The following CAB39L variants were observed in gnomAD, a reference collection of about 807,000 sequenced individuals.
The protein encoded by CAB39L is calcium binding protein 39 like.
A neutral mutation model predicts 39.1 loss-of-function variants in CAB39L; 23 were observed. The observed-to-expected ratio is 0.59, with a 90% confidence interval of 0.42 to 0.83. The LOEUF (loss-of-function observed/expected upper bound fraction) is 0.83, where lower values mean the gene tolerates loss of function less well. CAB39L is among the 40% of genes least tolerant of loss of function. The probability of loss-of-function intolerance (pLI) is 0.00; values close to 1 mark genes in which losing one functional copy is unlikely to be tolerated. For missense variants in CAB39L, 366 were observed against 391.9 expected, an observed-to-expected ratio of 0.93 and a Z score of 0.56; for synonymous variants, 126 against 137.2, an observed-to-expected ratio of 0.92 and a Z score of 0.57.
chr13:49,372,574 C>T (rs909103003), intron 5 of CAB39L, among the ~76,000 whole-genome samples: 4 of 152,194 alleles, frequency 2.6e-5, no homozygotes, highest in African/African-American at 9.6e-5. Flanking sequence ...CCATTCATTG[C>T]CTTGTTTCCT....
intron 1 of CAB39L, among the ~76,000 whole-genome samples, chr13:49,439,920 G>GTTTTTTTTTTTTT (rs1270438947): frequency 4.8e-5 from 2 of 41,366 alleles, no homozygotes; most frequent in African/African-American, 1.5e-4. Flanking sequence ...CTTTTTAATG[G>GTTTTTTTTTTTTT]GTTTTTTTTT....
chr13:49,421,773 T>C (rs9535238), intron 3 of CAB39L, among the ~76,000 whole-genome samples: 100,068 of 151,426 alleles, frequency 0.66, 34,076 homozygotes, highest in African/African-American at 0.84. Flanking sequence ...CTCCCCTAGG[T>C]GGTCAACTGA....
chr13:49,433,393 T>G lies in CAB39L; in HGVS notation c.-107A>C. 2.2e-6 allele frequency: 1 copy of G among 451,086 alleles called. No individual in the cohort carries two copies. Among genetic ancestry groups the G allele is most frequent in the South Asian group, 1.6e-5 (1 of 62,778 alleles). 27.9% of individuals were successfully genotyped at this position (451,086 alleles called of 1,614,324 possible). ...ACCAAAGTCACTGATCACCACAGCT[T>G]CTGACAAAAAGAAAAGCTTTAAAAT... On this transcript the variant is annotated splice_region_variant and 5_prime_UTR_variant, in exon 3 of 11. Coordinates refer to ENST00000409308, the MANE Select transcript of CAB39L (RefSeq NM_001079670.3).
chr13:49,440,715 A>AGTGTGTGTGTGTGTGTGT (rs56314282), intron 1 of CAB39L, among the ~76,000 whole-genome samples: 95 of 135,530 alleles, frequency 7.0e-4, no homozygotes, highest in Admixed American at 1.1e-3. Context: ...ATTCCTAGGC[A>AGTGTGTGTGTGTGTGTGT]GTGTGTGTGT....
rs1198504 is a variant in CAB39L at position 49,330,620 on chromosome 13, G to C, written c.834+1327C>G. ...AGCCTGGGCAACAGAGCGAGACCCT[G>C]TCTCTGAATTTAAAAAATAAATAAA... On this transcript the variant is annotated intron_variant, in intron 10 of 10. Coordinates refer to ENST00000409308, the MANE Select transcript of CAB39L (RefSeq NM_001079670.3). Among the ~76,000 whole-genome samples the C allele has an allele frequency of 2.6e-3, 397 of 151,696 alleles. 2 individuals are homozygous for C. Among genetic ancestry groups the C allele is most frequent in the African/African-American group, 9.1e-3 (375 of 41,370 alleles).
chr13:49,377,737 C>G (rs1245565196), intron 4 of CAB39L, among the ~76,000 whole-genome samples: 1 of 82,974 alleles, frequency 1.2e-5, no homozygotes, highest in African/African-American at 7.3e-5. Context: ...GATCTCGGCT[C>G]ACTACAACCT....
intron 3 of CAB39L, among the ~76,000 whole-genome samples, chr13:49,407,900 A>T (rs2138675772): frequency 6.6e-6 from 1 of 150,834 alleles, no homozygotes. Context: ...AAAATTTAGT[A>T]TGCCAGAAGC....
intron 3 of CAB39L, among the ~76,000 whole-genome samples, chr13:49,392,765 T>A (rs1049147636): frequency 1.3e-5 from 2 of 152,098 alleles, no homozygotes; most frequent in African/African-American, 4.8e-5. Context: ...TATTTTCAGT[T>A]TAAATATGTT....
rs1432170945 is a variant in CAB39L at position 49,382,899 on chromosome 13, C to T, written c.12G>A (p.Met4Ile). The change falls in exon 4 of 11, where the codon ATG becomes ATA. Residue 4 changes from methionine (M) to isoleucine (I), a missense_variant. By Grantham distance (10) the Met-to-Ile change is conservative. Coordinates refer to ENST00000409308, the MANE Select transcript of CAB39L (RefSeq NM_001079670.3). ...TTTTGTGTGATTTACTAAACAAAGGCATTTTTTTCATGTGTAGAAATCTCT... is the reference window on the plus strand; with the variant it reads ...TTTTGTGTGATTTACTAAACAAAGGTATTTTTTTCATGTGTAGAAATCTCT... Reference protein sequence around the residue: MKKMPLFSKSHKNP... With the variant: MKKIPLFSKSHKNP... The T allele has an allele frequency of 6.3e-7, 1 of 1,593,822 alleles. No homozygotes were observed. The highest frequency in any genetic ancestry group is 8.6e-7 in the Non-Finnish European group (1 of 1,163,882).
intron 3 of CAB39L, among the ~76,000 whole-genome samples, chr13:49,417,584 C>T (rs77622891): frequency 0.023 from 2,383 of 105,490 alleles, 76 homozygotes; most frequent in African/African-American, 0.075. Flanking sequence ...GACTCAGGCA[C>T]CTGGCAGAAG....
chr13:49,322,680 T>C (rs1015308914), intron 10 of CAB39L, among the ~76,000 whole-genome samples: 4 of 152,260 alleles, frequency 2.6e-5, no homozygotes, highest in Non-Finnish European at 5.9e-5. Flanking sequence ...CAGTCAATTG[T>C]AGAAAGAATA....
intron 3 of CAB39L, among the ~76,000 whole-genome samples, chr13:49,404,093 G>A (rs184524225): frequency 1.1e-4 from 17 of 152,286 alleles, no homozygotes; most frequent in Admixed American, 3.9e-4. Context: ...CTGGCTTCAC[G>A]TGTGACCCAG....
intron 8 of CAB39L, among the ~76,000 whole-genome samples, chr13:49,341,850 C>T (rs960485773): frequency 6.6e-6 from 1 of 152,232 alleles, no homozygotes; most frequent in Non-Finnish European, 1.5e-5. Flanking sequence ...ACCCCATAAA[C>T]ATGTATAATT....
At chr13:49,370,179 A>C (rs1358488906) in intron 5 of CAB39L, among the ~76,000 whole-genome samples, 8 of 152,122 alleles carry the variant, frequency 5.3e-5, no homozygotes, top group Non-Finnish European at 1.2e-4. Context: ...GGGGACTAAA[A>C]TTCAAATTGG....
intron 1 of CAB39L, among the ~76,000 whole-genome samples, chr13:49,442,112 G>A (rs186527265): frequency 6.4e-4 from 98 of 152,092 alleles, no homozygotes; most frequent in African/African-American, 2.0e-3. Flanking sequence ...TTCCAATGAC[G>A]GTGGTTTTAA....
In CAB39L at chr13:49,310,076, C is replaced by T. The variant is rs965099238; in HGVS notation, c.*738G>A. On this transcript the variant is annotated 3_prime_UTR_variant, in exon 11 of 11. Transcript: ENST00000409308. Reference sequence around the variant, plus strand: ...GCAGCAGTCACTCTATCCAGAGCCACATGTTCACAGTTCTCTAGCAAGCAG... The same window carrying T: ...GCAGCAGTCACTCTATCCAGAGCCATATGTTCACAGTTCTCTAGCAAGCAG... 2 of 152,466 alleles carry T rather than the reference C, an allele frequency of 1.3e-5. No homozygotes were observed. The highest frequency in any genetic ancestry group is 2.9e-5 in the Non-Finnish European group (2 of 68,232). 9.4% of individuals were successfully genotyped at this position (152,466 alleles called of 1,614,324 possible). A position where few individuals can be genotyped will look rare whatever the true frequency, so the allele number is the denominator to read the frequency against.
chr13:49,365,195 G>C (rs1955740767), intron 5 of CAB39L, among the ~76,000 whole-genome samples: 9 of 152,068 alleles, frequency 5.9e-5, no homozygotes, highest in Admixed American at 5.9e-4. Flanking sequence ...CATACATTGA[G>C]GGGAAAAGAC....
Position 49,337,991 on chromosome 13 carries a change from C to T in CAB39L, c.690+1686G>A, listed in dbSNP as rs147303963. ...ACTAAATGGAATGTCTTATTACCTC[C>T]CTCACACCTCCTTCTCCAATAATTC... On this transcript the variant is annotated intron_variant, in intron 9 of 10. Coordinates refer to ENST00000409308, the MANE Select transcript of CAB39L (RefSeq NM_001079670.3). 3.4e-3 allele frequency among the ~76,000 whole-genome samples: 512 copies of T among 152,188 alleles called. 5 individuals carry two copies. Among genetic ancestry groups the T allele is most frequent in the African/African-American group, 0.012 (480 of 41,526 alleles).
At chr13:49,389,298 C>T (rs185581604) in intron 3 of CAB39L, among the ~76,000 whole-genome samples, 17 of 152,182 alleles carry the variant, frequency 1.1e-4, no homozygotes, top group Non-Finnish European at 1.5e-5. Context: ...TTTACAATAG[C>T]CAAGACATGG....
Sources: allele counts gnomAD v4.1 joint callset (sites outside exome capture counted in the v4.1 genomes callset), GRCh38; gene constraint gnomAD v4.1.1; transcripts MANE v1.5; gene names NCBI Gene and HGNC (gene_info 2026-07-23, HGNC 2026-07-21).